Variants in ATG4D observed in about 807,000 individuals in gnomAD.
The protein encoded by ATG4D is cysteine protease ATG4D.
ATG4D carries 51 observed loss-of-function variants against 55.2 expected under a neutral mutation model. The ratio of observed to expected loss-of-function variants is 0.92; its 90% CI spans 0.74 to 1.17. The LOEUF (loss-of-function observed/expected upper bound fraction) is 1.17, where lower values mean the gene tolerates loss of function less well. Ranked by LOEUF, ATG4D falls within the 50% of genes most tolerant of loss-of-function variation. ATG4D has a pLI of 0.00. For missense variants in ATG4D, 635 were observed against 649.6 expected (o/e 0.98, Z 0.25); for synonymous variants, 268 against 266.2 (o/e 1.01, Z -0.07).
chr19:10,547,975 G>C (rs1264751438), intron 5 of ATG4D, among the ~76,000 whole-genome samples: 1 of 132,188 alleles, frequency 7.6e-6, no homozygotes, highest in East Asian at 2.4e-4. Context: ...GGGATTACAA[G>C]CTTGAGCCAC....
chr19:10,547,246 C>T lies in ATG4D; in HGVS notation c.828C>T (p.Asp276=). The T allele has an allele frequency of 6.2e-7, 1 of 1,613,724 alleles. No homozygotes were observed. Among genetic ancestry groups the T allele is most frequent in the South Asian group, 1.1e-5 (1 of 91,074 alleles). ...GCCTGGTGGTGTACGTTTCTCAGGA[C>T]TGCACAGGTAAGGGGCTGGGAGCCA... ...VTRLVVYVSQ[D]CTVYKADVAR... The change falls in exon 5 of 10, where the codon GAC becomes GAT. Residue 276 remains aspartate, a synonymous_variant. Transcript: ENST00000309469.
intron 3 of ATG4D, among the ~76,000 whole-genome samples, chr19:10,545,879 A>G (rs1249985182): frequency 6.6e-6 from 1 of 151,420 alleles, no homozygotes; most frequent in African/African-American, 2.4e-5. Flanking sequence ...AAAAAAAAAA[A>G]GAGTTTTGGC....
At chr19:10,549,107 C>T in intron 6 of ATG4D, 73 bp downstream of exon 6, 1 of 1,567,286 alleles carries the variant, frequency 6.4e-7, no homozygotes, top group Middle Eastern at 1.7e-4. Flanking sequence ...GTTAGGGCTG[C>T]TGTTTGTGCA....
At chr19:10,546,812 G>A (rs750353927) in intron 3 of ATG4D, 27 bp from the exon 4 acceptor site, 7 of 1,546,610 alleles carry the variant, frequency 4.5e-6, no homozygotes, top group Non-Finnish European at 6.1e-6. Context: ...CACTAGCACT[G>A]TTTGACTATG....
chr19:10,548,930 G>C lies in ATG4D; in HGVS notation c.862G>C (p.Val288Leu). Residue 288 changes from valine to leucine, a missense_variant, in exon 6 of 10, where the codon GTG becomes CTG. Transcript: ENST00000309469. ...GTACAAGGCGGATGTGGCACGCCTG[G>C]TGGCCAGGCCAGACCCCACAGCCGA... ...TVYKADVARL[V>L]ARPDPTAEWK... 1.2e-6 allele frequency: 2 copies of C among 1,614,106 alleles called. No homozygotes were observed. The highest frequency in any genetic ancestry group is 2.2e-5 in the South Asian group (2 of 91,078).
At chr19:10,545,641 G>A (rs1050112777) in intron 3 of ATG4D, among the ~76,000 whole-genome samples, 12 of 151,210 alleles carry the variant, frequency 7.9e-5, no homozygotes, top group African/African-American at 2.9e-4. Context: ...ACTTTGGGAG[G>A]CTGAGGCTGG....
In ATG4D at chr19:10,544,325, G is replaced by C. The variant is rs1206776676; in HGVS notation, c.235G>C (p.Gly79Arg). 7.6e-7 allele frequency: 1 copy of C among 1,318,308 alleles called. No homozygotes were observed. Among genetic ancestry groups the C allele is most frequent in the Non-Finnish European group, 9.8e-7 (1 of 1,025,626 alleles). 81.7% of individuals were successfully genotyped at this position (1,318,308 alleles called of 1,614,324 possible). A position where few individuals can be genotyped will look rare whatever the true frequency, so the allele number is the denominator to read the frequency against. Residue 79 changes from glycine (G) to arginine (R), a missense_variant and splice_region_variant, in exon 1 of 10, where the codon GGT (glycine) becomes CGT (arginine). By Grantham distance (125) the Gly-to-Arg change is moderately radical. Transcript: ENST00000309469. ...FLTAWNNVKY[G>R]WVVKSRTSFS... ...GACAGCCTGGAACAACGTCAAGTAC[G>C]GTGAGGAGGGGGCCCGGAGATCGTG...
chr19:10,553,248 T>C lies in ATG4D; in HGVS notation c.*181T>C. The C allele has an allele frequency of 1.3e-6, 1 of 773,686 alleles. No homozygotes were observed. Among genetic ancestry groups the C allele is most frequent in the Non-Finnish European group, 1.9e-6 (1 of 517,376 alleles). The allele number at this position is 773,686 out of a possible 1,614,324, so 47.9% of individuals were successfully genotyped here. A position where few individuals can be genotyped will look rare whatever the true frequency, so the allele number is the denominator to read the frequency against. On this transcript the variant is annotated 3_prime_UTR_variant, in exon 10 of 10. Transcript: ENST00000309469. ...AGAGCCCACAGAGCCCATACACCTG[T>C]CTCCCACCAGCGGGGCCCTCCTGGC...
At chr19:10,548,774 T>G in intron 5 of ATG4D, 130 bp from the exon 6 acceptor site, 1 of 1,345,998 alleles carries the variant, frequency 7.4e-7, no homozygotes, top group Non-Finnish European at 1.0e-6. Flanking sequence ...AGAATGATGA[T>G]TTTGGTTAGT....
intron 9 of ATG4D, among the ~76,000 whole-genome samples, chr19:10,552,578 G>A (rs1916306681): frequency 2.0e-5 from 3 of 152,190 alleles, no homozygotes. Context: ...TCTTGGCCCT[G>A]CTGTCCGACC....
intron 3 of ATG4D, 100 bp from the exon 4 acceptor site, chr19:10,546,739 C>A: frequency 1.7e-6 from 2 of 1,208,216 alleles, no homozygotes; most frequent in Non-Finnish European, 2.3e-6. Context: ...TGTTGAATTA[C>A]GGGGTTCAGG....
At chr19:10,546,573 C>T (rs1460089850) in intron 3 of ATG4D, among the ~76,000 whole-genome samples, 1 of 151,612 alleles carries the variant, frequency 6.6e-6, no homozygotes, top group Non-Finnish European at 1.5e-5. Flanking sequence ...AGGCTGGTCT[C>T]GAACTCCAGG....
chr19:10,548,382 G>A (rs1455065390), intron 5 of ATG4D, among the ~76,000 whole-genome samples: 3 of 151,960 alleles, frequency 2.0e-5, no homozygotes, highest in Admixed American at 1.3e-4. Context: ...GAAAAGATTC[G>A]ATTTTCAGAG....
chr19:10,544,030 CTTGGGGGGCA>C lies in ATG4D; in HGVS notation c.-60_-51del, dbSNP rs1159162889. On this transcript the variant is annotated 5_prime_UTR_variant, in exon 1 of 10. Transcript: ENST00000309469. Reference sequence around the variant, plus strand: ...CCCCGTGAACCGGCTGCGGGTCGCCCTTGGGGGGCAGCGGCCGCAGCCCCCCACCTGGGCC... The same window carrying C: ...CCCCGTGAACCGGCTGCGGGTCGCCCGCGGCCGCAGCCCCCCACCTGGGCC... 2.6e-6 allele frequency: 3 copies of C among 1,171,198 alleles called. No homozygotes were observed. The African/African-American group carries it at 4.8e-5, about 19-fold the overall frequency. 72.6% of individuals were successfully genotyped at this position (1,171,198 alleles called of 1,614,324 possible). A position where few individuals can be genotyped will look rare whatever the true frequency, so the allele number is the denominator to read the frequency against.
chr19:10,552,202 C>T lies in ATG4D; in HGVS notation c.1123-3C>T, dbSNP rs1183666721. ...CTGAGCCTTCCTCGTCTGTCTGCCC[C>T]AGTCCTTCCACTGCACCTCGCCCCG... On this transcript the variant is annotated splice_polypyrimidine_tract_variant and splice_region_variant and intron_variant, in intron 8 of 9. Transcript: ENST00000309469. 5 of 1,612,270 alleles carry T rather than the reference C, an allele frequency of 3.1e-6. No individual in the cohort carries two copies. Among genetic ancestry groups the T allele is most frequent in the East Asian group, 4.5e-5 (2 of 44,892 alleles).
At chr19:10,545,450 T>C (rs1213816026) in intron 3 of ATG4D, among the ~76,000 whole-genome samples, 3 of 151,612 alleles carry the variant, frequency 2.0e-5, no homozygotes, top group South Asian at 2.1e-4. Context: ...CACACGCCTG[T>C]AATCCCAGCT....
chr19:10,552,382 GA>G, intron 9 of ATG4D, 58 bp downstream of exon 9: 1 of 1,557,204 alleles, frequency 6.4e-7, no homozygotes. Context: ...GGCTGGGGGT[GA>G]AAGAGGAACA....
rs60924749 is a variant in ATG4D, at chr19:10,548,003, ATTTTTTTTTTTTTTTTTTTTT to A, written c.835+775_835+795del. 8.7e-3 allele frequency among the ~76,000 whole-genome samples: 304 copies of A among 34,956 alleles called. 5 individuals are homozygous for A. The highest frequency in any genetic ancestry group is 0.028 in the African/African-American group (264 of 9,386). 22.9% of individuals were successfully genotyped at this position (34,956 alleles called of 152,430 possible). A position where few individuals can be genotyped will look rare whatever the true frequency, so the allele number is the denominator to read the frequency against. Reference sequence around the variant, plus strand: ...TGAGCCACTGTGCCCAGCCCCTGTAATTTTTTTTTTTTTTTTTTTTTTTTTTTTTTTTTTTTTTTTTTTTTG... The same window carrying A: ...TGAGCCACTGTGCCCAGCCCCTGTAATTTTTTTTTTTTTTTTTTTTTTTTG... On this transcript the variant is annotated intron_variant, in intron 5 of 9. Coordinates refer to ENST00000309469, the MANE Select transcript of ATG4D (RefSeq NM_032885.6).
intron 6 of ATG4D, among the ~76,000 whole-genome samples, chr19:10,550,278 G>A (rs1010377330): frequency 2.7e-5 from 4 of 150,868 alleles, no homozygotes; most frequent in African/African-American, 9.7e-5. Flanking sequence ...AAAGCGTTGG[G>A]ATTACAGGCA....
Sources: allele counts gnomAD v4.1 joint callset (sites outside exome capture counted in the v4.1 genomes callset), GRCh38; gene constraint gnomAD v4.1.1; transcripts MANE v1.5; gene names NCBI Gene and HGNC (gene_info 2026-07-23, HGNC 2026-07-21).